Variants in GFPT1 observed in about 807,000 individuals in gnomAD.
GFPT1 encodes glutamine--fructose-6-phosphate transaminase 1.
A neutral mutation model predicts 92.0 loss-of-function variants in GFPT1; 40 were observed. The observed-to-expected ratio is 0.43, with a 90% CI of 0.34 to 0.57. The LOEUF is 0.57. Among genes scored for constraint, GFPT1 ranks in the 20% least tolerant of loss-of-function variants. GFPT1 has a pLI of 0.02. For missense variants in GFPT1, 448 were observed against 869.1 expected (o/e 0.52, Z 6.09); for synonymous variants, 269 against 280.6 (o/e 0.96, Z 0.41).
At chr2:69,337,790 G>A in intron 15 of GFPT1, 108 bp downstream of exon 15, 4 of 889,282 alleles carry the variant, frequency 4.5e-6, no homozygotes, top group Non-Finnish European at 5.6e-6. Flanking sequence ...TAAAATGTGT[G>A]AGTTCTATAA....
At chr2:69,359,776 T>TTGGTTTTTC (rs1671423304) in intron 4 of GFPT1, among the ~76,000 whole-genome samples, 1 of 152,204 alleles carries the variant, frequency 6.6e-6, no homozygotes, top group African/African-American at 2.4e-5. Flanking sequence ...AATAATCTGA[T>TTGGTTTTTC]TTACACTAAA....
In GFPT1 at chr2:69,356,499, G is replaced by T; in HGVS notation, c.602C>A (p.Thr201Lys). 6.2e-7 allele frequency: 1 copy of T among 1,607,662 alleles called. No homozygotes were observed. The highest frequency in any genetic ancestry group is 8.5e-7 in the Non-Finnish European group (1 of 1,174,112). ...TCATTGTTAGAGTTATATGTACCTT[G>T]TGCCAACTGCTTGCCCGGGAAAATG... is the stretch of plus-strand genomic sequence containing the variant. ...SVHFPGQAVG[T>K]RRGSPLLIGV... The change falls in exon 7 of 20, where the codon ACA becomes AAA. Residue 201 changes from threonine (T) to lysine (K), a missense_variant. By Grantham distance (78) the Thr-to-Lys change is moderately conservative. Transcript: ENST00000357308.
chr2:69,362,394 T>G (rs1329414636), intron 4 of GFPT1, among the ~76,000 whole-genome samples: 1 of 152,228 alleles, frequency 6.6e-6, no homozygotes, highest in African/African-American at 2.4e-5. Flanking sequence ...TCCAAAGTGC[T>G]GGGTAGACTT....
At chr2:69,329,820 G>A (rs956458815) in intron 15 of GFPT1, 22 bp from the exon 16 acceptor site, 15 of 1,243,494 alleles carry the variant, frequency 1.2e-5, no homozygotes, top group Non-Finnish European at 1.8e-5. Flanking sequence ...CAAAAAAGCA[G>A]GACAATTAGT....
At chr2:69,367,687 C>A (rs1252542214) in intron 3 of GFPT1, among the ~76,000 whole-genome samples, 1 of 152,090 alleles carries the variant, frequency 6.6e-6, no homozygotes, top group African/African-American at 2.4e-5. Flanking sequence ...TCATCCCATT[C>A]CCTTACTTAT....
At chr2:69,367,525 T>A (rs1422616807) in intron 3 of GFPT1, among the ~76,000 whole-genome samples, 1 of 152,140 alleles carries the variant, frequency 6.6e-6, no homozygotes, top group African/African-American at 2.4e-5. Context: ...CACACCCGGC[T>A]AATTTTTTGT....
chr2:69,349,361 C>T (rs943675130), intron 10 of GFPT1, among the ~76,000 whole-genome samples: 1 of 152,194 alleles, frequency 6.6e-6, no homozygotes, highest in Admixed American at 6.5e-5. Flanking sequence ...TAATCTTACA[C>T]ATCTTAGCCC....
Position 69,373,934 on chromosome 2 carries a change from T to C in GFPT1, c.115+72A>G, listed in dbSNP as rs1212644052. The C allele has an allele frequency of 3.9e-6, 3 of 763,784 alleles. No homozygotes were observed. In the Admixed American group the frequency reaches 5.6e-5, roughly 14 times the overall value. 47.3% of individuals were successfully genotyped at this position (763,784 alleles called of 1,614,324 possible). A position where few individuals can be genotyped will look rare whatever the true frequency, so the allele number is the denominator to read the frequency against. Reference sequence around the variant, plus strand: ...AACAAAACAGACTTTAATAGTCTAGTCTCCTAATAACAATAAAAATAGTAT... The same window carrying C: ...AACAAAACAGACTTTAATAGTCTAGCCTCCTAATAACAATAAAAATAGTAT... On this transcript the variant is annotated intron_variant, in intron 2 of 19. Coordinates refer to ENST00000357308, the MANE Select transcript of GFPT1 (RefSeq NM_001244710.2).
At chr2:69,385,294 C>T (rs1672105348) in intron 1 of GFPT1, among the ~76,000 whole-genome samples, 1 of 152,032 alleles carries the variant, frequency 6.6e-6, no homozygotes, top group South Asian at 2.1e-4. Context: ...GGCGCGATCC[C>T]GGCTCACTGC....
At position 69,327,014 on chromosome 2, in the gene GFPT1, G is replaced by C. The variant is rs781377676; in HGVS notation, c.1955C>G (p.Thr652Arg). 6.2e-7 allele frequency: 1 copy of C among 1,614,014 alleles called. No individual in the cohort carries two copies. Among genetic ancestry groups the C allele is most frequent in the Non-Finnish European group, 8.5e-7 (1 of 1,179,906 alleles). The change falls in exon 19 of 20, where the codon ACG becomes AGG. Residue 652 changes from threonine to arginine, a missense_variant. Around this residue, in one of 7 missense-constraint regions of GFPT1, gnomAD observed 55 missense variants for 98.8 expected, o/e 0.56. Coordinates refer to ENST00000357308, the MANE Select transcript of GFPT1 (RefSeq NM_001244710.2). ...DTETIKNTKR[T>R]IKVPHSVDCL... is the part of the protein sequence containing the mutation. ...GTCCACTGAGTGGGGCACCTTGATC[G>C]TTCTTTTTGTGTTCTTAATGGTCTC...
intron 12 of GFPT1, among the ~76,000 whole-genome samples, chr2:69,344,186 C>CAAAAAAAAAAAAAAAAAAA (rs10602884): frequency 1.1e-4 from 7 of 64,512 alleles, no homozygotes; most frequent in Admixed American, 1.9e-4. Context: ...AAAAGCAAAG[C>CAAAAAAAAAAAAAAAAAAA]AAAAAAAAAA....
chr2:69,355,170 T>G (rs1558757402), intron 7 of GFPT1, among the ~76,000 whole-genome samples: 1 of 152,130 alleles, frequency 6.6e-6, no homozygotes, highest in Non-Finnish European at 1.5e-5. Flanking sequence ...CTTGACCTCC[T>G]GGCCTCAAGT....
intron 15 of GFPT1, among the ~76,000 whole-genome samples, chr2:69,333,035 G>A (rs1670708531): frequency 6.6e-6 from 1 of 152,068 alleles, no homozygotes; most frequent in African/African-American, 2.4e-5. Context: ...TATTCCACCA[G>A]CAGACTGGAA....
chr2:69,353,193 C>T (rs1239787398), intron 9 of GFPT1, among the ~76,000 whole-genome samples: 1 of 151,970 alleles, frequency 6.6e-6, no homozygotes, highest in African/African-American at 2.4e-5. Context: ...TCCAGGAGTT[C>T]AAGAACAGCC....
At chr2:69,348,744 T>C (rs961065935) in intron 10 of GFPT1, among the ~76,000 whole-genome samples, 4 of 152,172 alleles carry the variant, frequency 2.6e-5, no homozygotes, top group Non-Finnish European at 5.9e-5. Context: ...CTCTGATCTC[T>C]CTCCGTCCAT....
At chr2:69,387,014 C>G (rs1184713099) in intron 1 of GFPT1, 51 bp downstream of exon 1, 7 of 1,393,930 alleles carry the variant, frequency 5.0e-6, no homozygotes, top group Admixed American at 2.0e-5. Context: ...GGCACCCGCA[C>G]CGCACCCCAG....
At chr2:69,386,206 A>G (rs564737274) in intron 1 of GFPT1, among the ~76,000 whole-genome samples, 13 of 152,360 alleles carry the variant, frequency 8.5e-5, no homozygotes, top group Non-Finnish European at 1.8e-4. Flanking sequence ...TTAGGTCATA[A>G]TAAACGACTC....
At chr2:69,326,460 C>T (rs1346858519) in intron 19 of GFPT1, among the ~76,000 whole-genome samples, 1 of 152,154 alleles carries the variant, frequency 6.6e-6, no homozygotes, top group African/African-American at 2.4e-5. Context: ...GGTGCCAGTT[C>T]ACACAGAAAG....
At chr2:69,348,089 T>C (rs1671125842) in intron 11 of GFPT1, 82 bp downstream of exon 11, 10 of 1,077,476 alleles carry the variant, frequency 9.3e-6, no homozygotes, top group Admixed American at 3.4e-5. Context: ...CATTCATTAC[T>C]AGATTTAATA....
Sources: allele counts gnomAD v4.1 joint callset (sites outside exome capture counted in the v4.1 genomes callset), GRCh38; gene constraint gnomAD v4.1.1; regional missense constraint gnomAD v4.1.1; transcripts MANE v1.5; gene names NCBI Gene and HGNC (gene_info 2026-07-23, HGNC 2026-07-21).